Variants in SFI1 observed in about 807,000 individuals in gnomAD.
The protein encoded by SFI1 is protein SFI1 homolog.
A neutral mutation model predicts 207.5 loss-of-function variants in SFI1; 195 were observed. The observed-to-expected ratio is 0.94, with a 90% CI of 0.84 to 1.06. The LOEUF is 1.06. SFI1 is among the 50% of genes least tolerant of loss of function. The pLI, the probability that SFI1 is intolerant of heterozygous loss-of-function variation, is 0.00. For synonymous variants in SFI1, 630 were observed against 598.9 expected (o/e 1.05, Z -0.76); for missense variants, 1,634 against 1,588.0 (o/e 1.03, Z -0.49).
Position 31,583,970 on chromosome 22 carries a change from C to A in SFI1, c.1344C>A (p.Tyr448Ter), listed in dbSNP as rs2064686370. 1 of 1,613,050 alleles carries A rather than the reference C, an allele frequency of 6.2e-7. No homozygotes were observed. The highest frequency in any genetic ancestry group is 1.7e-5 in the Admixed American group (1 of 60,022). ...TACTGCATGCTGCCTGGGACCACTA[C>A]AGGTAGGGACTCTGGTTTCATCCCT... ...LPLLHAAWDH[Y>*]RIALLCKCIE... The change falls in exon 13 of 33, where the codon TAC (tyrosine) becomes TAA (stop). Residue 448 changes from tyrosine (Y) to a stop codon, truncating the protein, a stop_gained and splice_region_variant. Coordinates refer to ENST00000400288, the MANE Select transcript of SFI1 (RefSeq NM_001007467.3). LOFTEE classifies it high-confidence loss of function.
chr22:31,531,954 G>A (rs1422930873), intron 4 of SFI1, among the ~76,000 whole-genome samples: 2 of 151,832 alleles, frequency 1.3e-5, no homozygotes, highest in Non-Finnish European at 2.9e-5. Context: ...CCAGCTACTC[G>A]GGAGGCTGAG....
At chr22:31,568,226 A>ATAT (rs1489251081) in intron 8 of SFI1, among the ~76,000 whole-genome samples, 3 of 111,960 alleles carry the variant, frequency 2.7e-5, no homozygotes, top group Non-Finnish European at 3.8e-5. Context: ...ATATATATAT[A>ATAT]TTTTTTTTTT....
chr22:31,560,400 C>CT (rs398061887), intron 7 of SFI1, among the ~76,000 whole-genome samples: 7,718 of 125,476 alleles, frequency 0.062, 399 homozygotes, highest in African/African-American at 0.1. Context: ...TGGTAATACT[C>CT]TTTTTTTTTT....
intron 7 of SFI1, chr22:31,559,978 C>T (rs1045575938): frequency 2.6e-6 from 1 of 392,076 alleles, no homozygotes; most frequent in East Asian, 5.6e-5. Flanking sequence ...GTTTATATAC[C>T]TAAAAAATAT....
At chr22:31,544,636 T>C (rs2059905792) in intron 4 of SFI1, among the ~76,000 whole-genome samples, 1 of 151,936 alleles carries the variant, frequency 6.6e-6, no homozygotes, top group Admixed American at 6.6e-5. Flanking sequence ...ATGTCTGTAG[T>C]CACAGCTATT....
At chr22:31,500,429 A>T (rs2053548764) in intron 1 of SFI1, among the ~76,000 whole-genome samples, 1 of 152,182 alleles carries the variant, frequency 6.6e-6, no homozygotes, top group African/African-American at 2.4e-5. Context: ...GATAATTGTT[A>T]GCATTTTTTA....
intron 15 of SFI1, 33 bp downstream of exon 15, chr22:31,589,610 A>G (rs772602700): frequency 6.3e-7 from 1 of 1,585,844 alleles, no homozygotes; most frequent in East Asian, 2.3e-5. Context: ...GCACTGGGGC[A>G]GGTGTTTCAA....
At chr22:31,514,140 CAAAAAA>C (rs113946302) in intron 2 of SFI1, among the ~76,000 whole-genome samples, 2 of 82,722 alleles carry the variant, frequency 2.4e-5, no homozygotes, top group African/African-American at 8.0e-5. Context: ...AACTCCATCT[CAAAAAA>C]AAAAAAAAAA....
intron 1 of SFI1, among the ~76,000 whole-genome samples, chr22:31,506,764 C>T (rs1188537984): frequency 1.3e-5 from 2 of 151,910 alleles, no homozygotes; most frequent in African/African-American, 4.8e-5. Flanking sequence ...TCACAGTTGC[C>T]ACAAAAATAA....
At chr22:31,553,991 C>A (rs2060911841) in intron 6 of SFI1, among the ~76,000 whole-genome samples, 1 of 151,022 alleles carries the variant, frequency 6.6e-6, no homozygotes, top group African/African-American at 2.4e-5. Context: ...AATGCCCCAC[C>A]ATACCTGGCT....
intron 5 of SFI1, among the ~76,000 whole-genome samples, chr22:31,549,362 G>A (rs1321753142): frequency 2.6e-5 from 3 of 117,194 alleles, no homozygotes; most frequent in African/African-American, 1.0e-4. Context: ...TTTTTTAATT[G>A]AATTTGAGAC....
Position 31,615,121 on chromosome 22 carries a change from G to T in SFI1, c.3142G>T (p.Ala1048Ser), listed in dbSNP as rs1262991769. ...CCCCTCCCTGACGCGGCCCTTCCTG[G>T]CAGAGGCCCCGACAGCACTGGTCCC... ...AAPSLTRPFL[A>S]EAPTALVPHS... The change falls in exon 29 of 33, where the codon GCA becomes TCA. Residue 1048 changes from alanine to serine, a missense_variant. Physicochemically the swap from Ala to Ser is moderately conservative, Grantham distance 99. Coordinates refer to ENST00000400288, the MANE Select transcript of SFI1 (RefSeq NM_001007467.3). 6.2e-7 allele frequency: 1 copy of T among 1,608,308 alleles called. No individual in the cohort carries two copies. Among genetic ancestry groups the T allele is most frequent in the African/African-American group, 1.3e-5 (1 of 74,724 alleles).
chr22:31,549,888 C>G (rs2060467795), intron 5 of SFI1, among the ~76,000 whole-genome samples: 1 of 149,684 alleles, frequency 6.7e-6, no homozygotes, highest in South Asian at 2.1e-4. Context: ...ATAGAACAGA[C>G]TTGGTGTGTT....
chr22:31,523,523 G>GA (rs1456017471), intron 2 of SFI1, among the ~76,000 whole-genome samples: 1 of 152,168 alleles, frequency 6.6e-6, no homozygotes, highest in Non-Finnish European at 1.5e-5. Context: ...TCACACCTTA[G>GA]AAATTCAGGT....
chr22:31,546,399 C>T (rs1012643856), intron 4 of SFI1, among the ~76,000 whole-genome samples: 2 of 151,988 alleles, frequency 1.3e-5, no homozygotes, highest in African/African-American at 4.8e-5. Flanking sequence ...GGTGCAGTCT[C>T]AGCTCACTGC....
rs2068932672 is a variant in SFI1 at position 31,606,149 on chromosome 22, T to A, written c.2055-179T>A. 9.6e-6 allele frequency: 6 copies of A among 623,794 alleles called. No individual in the cohort carries two copies. The South Asian group carries it at 1.1e-4, about 12-fold the overall frequency. 38.6% of individuals were successfully genotyped at this position (623,794 alleles called of 1,614,324 possible). The stretch of plus-strand genomic sequence containing the variant: ...TTGGTGCCCAGCCCAGAGCAGCTGC[T>A]CAGTAGCCATTTGTTGGACATAGAT... On this transcript the variant is annotated intron_variant, in intron 20 of 32. Coordinates refer to ENST00000400288, the MANE Select transcript of SFI1 (RefSeq NM_001007467.3).
intron 22 of SFI1, among the ~76,000 whole-genome samples, 164 bp downstream of exon 22, chr22:31,608,197 T>C (rs184914516): frequency 6.6e-6 from 1 of 152,262 alleles, no homozygotes; most frequent in African/African-American, 2.4e-5. Flanking sequence ...CAACACAAAA[T>C]TGCCCTCTCA....
intron 2 of SFI1, among the ~76,000 whole-genome samples, chr22:31,509,952 G>A (rs924520713): frequency 1.3e-5 from 2 of 151,650 alleles, no homozygotes; most frequent in Non-Finnish European, 2.9e-5. Flanking sequence ...ATGGAGTCTC[G>A]CTCTGTTGCC....
chr22:31,548,333 G>A (rs925337148), intron 5 of SFI1, among the ~76,000 whole-genome samples: 1 of 152,096 alleles, frequency 6.6e-6, no homozygotes, highest in Non-Finnish European at 1.5e-5. Context: ...ACTTTGGGAG[G>A]CTGAGGCGGG....
Sources: allele counts gnomAD v4.1 joint callset (sites outside exome capture counted in the v4.1 genomes callset), GRCh38; gene constraint gnomAD v4.1.1; transcripts MANE v1.5; gene names NCBI Gene and HGNC (gene_info 2026-07-23, HGNC 2026-07-21).